DAOA: variants seen among roughly 807,000 people sequenced by gnomAD.
The protein encoded by DAOA is D-amino acid oxidase activator.
Under a neutral mutation model 16.4 loss-of-function variants are expected in DAOA, and 15 were observed. That is an observed-to-expected ratio of 0.91 (90% CI 0.61 to 1.41). The LOEUF is 1.41. Ranked by LOEUF, DAOA falls within the 40% of genes most tolerant of loss-of-function variation. DAOA has a pLI of 0.00. For synonymous variants in DAOA, 75 were observed against 59.1 expected, an observed-to-expected ratio of 1.27 and a Z score of -1.23; for missense variants, 230 against 176.8, an observed-to-expected ratio of 1.30 and a Z score of -1.71.
chr13:105,477,819 AATAGGCAC>A (rs1233245307), intron 4 of DAOA, among the ~76,000 whole-genome samples: 1 of 152,208 alleles, frequency 6.6e-6, no homozygotes, highest in East Asian at 1.9e-4. Context: ...AATTCCTAAA[AATAGGCAC>A]ATAGTTTTTA....
intron 4 of DAOA, among the ~76,000 whole-genome samples, chr13:105,483,966 G>C (rs941831761): frequency 6.6e-6 from 1 of 151,926 alleles, no homozygotes; most frequent in Admixed American, 6.6e-5. Context: ...AACGCTAATT[G>C]ACACTGTTAG....
At chr13:105,471,251 G>A (rs931418954) in intron 3 of DAOA, among the ~76,000 whole-genome samples, 3 of 152,180 alleles carry the variant, frequency 2.0e-5, no homozygotes, top group Non-Finnish European at 4.4e-5. Context: ...AATACAGTTT[G>A]ATAATTGAGT....
chr13:105,466,383 A>C, intron 2 of DAOA, 51 bp downstream of exon 2: 1 of 1,612,826 alleles, frequency 6.2e-7, no homozygotes, highest in South Asian at 1.1e-5. Context: ...GCAATGTGAC[A>C]TTTGCATGGC....
chr13:105,486,615 T>C (rs1878127401), intron 4 of DAOA, among the ~76,000 whole-genome samples: 1 of 129,144 alleles, frequency 7.7e-6, no homozygotes, highest in African/African-American at 2.7e-5. Flanking sequence ...TTTTCTTTCT[T>C]TCTTTCTTTT....
At chr13:105,471,940 A>G (rs561302027) in intron 3 of DAOA, among the ~76,000 whole-genome samples, 11 of 152,314 alleles carry the variant, frequency 7.2e-5, no homozygotes, top group Admixed American at 3.9e-4. Flanking sequence ...TTTTTCCCAC[A>G]TTCACTATCA....
At chr13:105,482,850 C>CT (rs375390962) in intron 4 of DAOA, among the ~76,000 whole-genome samples, 4 of 152,044 alleles carry the variant, frequency 2.6e-5, no homozygotes, top group Admixed American at 2.0e-4. Flanking sequence ...GAAATAGGAA[C>CT]TTTTTTTAAA....
At chr13:105,486,663 G>A (rs981444256) in intron 4 of DAOA, among the ~76,000 whole-genome samples, 1 of 151,076 alleles carries the variant, frequency 6.6e-6, no homozygotes, top group African/African-American at 2.4e-5. Context: ...TTGTTGCCCA[G>A]GCTGGAGTGC....
chr13:105,487,218 C>A (rs1214420496), intron 4 of DAOA, among the ~76,000 whole-genome samples: 1 of 152,158 alleles, frequency 6.6e-6, no homozygotes, highest in Non-Finnish European at 1.5e-5. Flanking sequence ...TGCACACGAA[C>A]CAAATCAGTC....
At chr13:105,472,502 A>G in intron 3 of DAOA, 36 bp from the exon 4 acceptor site, 1 of 1,596,982 alleles carries the variant, frequency 6.3e-7, no homozygotes, top group South Asian at 1.1e-5. Context: ...TGATAGAGTT[A>G]ATATGTATTA....
rs1451189503 is a variant in DAOA at position 105,472,569 on chromosome 13, A to G, written c.165A>G (p.Val55=). The change falls in exon 4 of 6, where the codon GTA becomes GTG. Residue 55 remains valine (V), a synonymous_variant. Transcript: ENST00000375936. ...AGACAGAAGAAGGAAGAGAGACGGT[A>G]ACAAGGAAAGAAGGATGGAAGAGAA... ...AKETEEGRET[V]TRKEGWKRRH... 1 of 1,613,954 alleles carries G rather than the reference A, an allele frequency of 6.2e-7. No homozygotes were observed. Among genetic ancestry groups the G allele is most frequent in the Non-Finnish European group, 8.5e-7 (1 of 1,179,940 alleles).
At chr13:105,486,484 T>G (rs1483368870) in intron 4 of DAOA, among the ~76,000 whole-genome samples, 1 of 152,222 alleles carries the variant, frequency 6.6e-6, no homozygotes, top group Non-Finnish European at 1.5e-5. Flanking sequence ...TATAGTGTCA[T>G]ATGTGAACAA....
intron 2 of DAOA, 68 bp from the exon 3 acceptor site, chr13:105,466,985 T>C: frequency 6.5e-7 from 1 of 1,536,566 alleles, no homozygotes; most frequent in African/African-American, 1.4e-5. Context: ...TTGATGTTGC[T>C]TATTCTTTCT....
chr13:105,467,108 C>G lies in DAOA; in HGVS notation c.100C>G (p.Leu34Val). 3.1e-6 allele frequency: 5 copies of G among 1,610,426 alleles called. No homozygotes were observed. Among genetic ancestry groups the G allele is most frequent in the Non-Finnish European group, 4.2e-6 (5 of 1,177,694 alleles). The change falls in exon 3 of 6, where the codon CTG (leucine) becomes GTG (valine). Residue 34 changes from leucine to valine, a missense_variant. Coordinates refer to ENST00000375936, the MANE Select transcript of DAOA (RefSeq NM_172370.5). ...CATAGGTTTTCAAAGGAGCATTCTTCTGAGCAAATCTGAAAACTCTCTAAA... is the reference window on the plus strand; with the variant it reads ...CATAGGTTTTCAAAGGAGCATTCTTGTGAGCAAATCTGAAAACTCTCTAAA... Reference protein sequence around the residue: ...YFIGFQRSILLSKSENSLNSI... With the variant: ...YFIGFQRSILVSKSENSLNSI...
At chr13:105,475,052 T>C (rs1877240227) in intron 4 of DAOA, 1 of 985,616 alleles carries the variant, frequency 1.0e-6, no homozygotes, top group South Asian at 4.7e-5. Flanking sequence ...CTGGGCACTT[T>C]ATGGAAGGAG....
Position 105,472,602 on chromosome 13 carries a change from G to A in DAOA, c.198G>A (p.Glu66=). 4 of 1,614,028 alleles carry A rather than the reference G, an allele frequency of 2.5e-6. No homozygotes were observed. The highest frequency in any genetic ancestry group is 3.4e-6 in the Non-Finnish European group (4 of 1,179,956). Residue 66 remains glutamate (E), a synonymous_variant, in exon 4 of 6, where the codon GAG becomes GAA. Coordinates refer to ENST00000375936, the MANE Select transcript of DAOA (RefSeq NM_172370.5). ...AAGAAGGATGGAAGAGAAGGCATGA[G>A]GACGGCTATTTGGAAATGGCACAGA... ...TRKEGWKRRH[E]DGYLEMAQRH...
intron 4 of DAOA, among the ~76,000 whole-genome samples, chr13:105,480,527 CATAG>C (rs59797400): frequency 0.14 from 20,514 of 146,582 alleles, 1,395 homozygotes; most frequent in Middle Eastern, 0.18. Flanking sequence ...TGGATAGATA[CATAG>C]ATAGATAGAT....
intron 4 of DAOA, among the ~76,000 whole-genome samples, chr13:105,488,829 T>G (rs1878314030): frequency 6.6e-6 from 1 of 152,238 alleles, no homozygotes; most frequent in Non-Finnish European, 1.5e-5. Flanking sequence ...CAATCTTGTT[T>G]CAAATACTCT....
At chr13:105,472,107 AGT>A (rs1014802076) in intron 3 of DAOA, among the ~76,000 whole-genome samples, 2 of 152,150 alleles carry the variant, frequency 1.3e-5, no homozygotes, top group African/African-American at 4.8e-5. Flanking sequence ...TCTTCCCAAC[AGT>A]CACACAGGGA....
chr13:105,475,181 A>C, intron 4 of DAOA: 1 of 281,698 alleles, frequency 3.5e-6, no homozygotes, highest in Non-Finnish European at 5.4e-6. Context: ...CCACACTCTC[A>C]TTTAATATAT....
Sources: gnomAD v4.1 joint callset for allele counts (sites outside exome capture counted in the v4.1 genomes callset) on GRCh38, gnomAD v4.1.1 for gene constraint, MANE v1.5 for transcripts, NCBI Gene and HGNC (gene_info 2026-07-23, HGNC 2026-07-21) for gene names.